The following SPIDR variants were observed in gnomAD, a reference collection of about 807,000 sequenced individuals.
The protein encoded by SPIDR is DNA repair-scaffolding protein.
A neutral mutation model predicts 104.6 loss-of-function variants in SPIDR; 93 were observed. The ratio of observed to expected loss-of-function variants is 0.89; its 90% confidence interval spans 0.75 to 1.06. The LOEUF (loss-of-function observed/expected upper bound fraction) is 1.06, where lower values mean the gene tolerates loss of function less well. SPIDR is among the 50% of genes least tolerant of loss of function. SPIDR has a pLI of 0.00. For synonymous variants in SPIDR, 431 were observed against 416.9 expected, an observed-to-expected ratio of 1.03 and a Z score of -0.41; for missense variants, 1,154 against 1,111.2, an observed-to-expected ratio of 1.04 and a Z score of -0.55.
intron 5 of SPIDR, among the ~76,000 whole-genome samples, chr8:47,369,903 C>T (rs1220833562): frequency 6.6e-6 from 1 of 151,648 alleles, no homozygotes; most frequent in Non-Finnish European, 1.5e-5. Context: ...CTTGGTTTGT[C>T]TGGATTTTTT....
At chr8:47,466,403 A>C (rs1409999545) in intron 8 of SPIDR, among the ~76,000 whole-genome samples, 2 of 152,360 alleles carry the variant, frequency 1.3e-5, no homozygotes. Flanking sequence ...GAAATTGAGT[A>C]ATCTGCTCCT....
At chr8:47,726,184 G>A (rs1403892186) in intron 16 of SPIDR, among the ~76,000 whole-genome samples, 1 of 152,210 alleles carries the variant, frequency 6.6e-6, no homozygotes, top group African/African-American at 2.4e-5. Context: ...ATTAGCTAGG[G>A]CAGCCTTTTC....
intron 8 of SPIDR, chr8:47,547,020 C>A (rs2089521349): frequency 6.0e-6 from 3 of 499,950 alleles, no homozygotes; most frequent in East Asian, 5.0e-5. Flanking sequence ...GACACCAGTT[C>A]TTCCCAAGTT....
At chr8:47,534,159 G>C (rs1180274475) in intron 8 of SPIDR, among the ~76,000 whole-genome samples, 2 of 152,226 alleles carry the variant, frequency 1.3e-5, no homozygotes, top group Admixed American at 6.5e-5. Context: ...CACCATGATT[G>C]TAAGTTTCCC....
intron 8 of SPIDR, among the ~76,000 whole-genome samples, chr8:47,519,547 G>A (rs994536848): frequency 4.6e-5 from 7 of 152,190 alleles, no homozygotes; most frequent in African/African-American, 1.7e-4. Context: ...GGAATCCAAA[G>A]TAAGGAGGGA....
intron 5 of SPIDR, among the ~76,000 whole-genome samples, chr8:47,328,027 T>C (rs1554601585): frequency 6.7e-6 from 1 of 150,346 alleles, no homozygotes; most frequent in East Asian, 2.0e-4. Context: ...TTTTTTTCAC[T>C]TTTTTGACAA....
At chr8:47,499,198 C>T (rs574564112) in intron 8 of SPIDR, among the ~76,000 whole-genome samples, 1 of 152,274 alleles carries the variant, frequency 6.6e-6, no homozygotes, top group Non-Finnish European at 1.5e-5. Context: ...ATGAAGAGTA[C>T]GTAACACATT....
chr8:47,367,666 A>C (rs192947257), intron 5 of SPIDR, among the ~76,000 whole-genome samples: 22 of 152,284 alleles, frequency 1.4e-4, no homozygotes. Context: ...CTTAGCCCAC[A>C]TTGCCACCCT....
At chr8:47,400,319 A>G (rs1393100307) in intron 6 of SPIDR, among the ~76,000 whole-genome samples, 8 of 152,146 alleles carry the variant, frequency 5.3e-5, no homozygotes, top group African/African-American at 1.9e-4. Flanking sequence ...GCAATTGATC[A>G]TTTTCTTCTT....
chr8:47,393,717 CCTTTCCTTTCCTTT>C, intron 5 of SPIDR, among the ~76,000 whole-genome samples: 1 of 131,644 alleles, frequency 7.6e-6, no homozygotes, highest in South Asian at 2.4e-4. Flanking sequence ...CCTTTCCTTT[CCTTTCCTTTCCTTT>C]CCTTCCTTTC....
intron 8 of SPIDR, among the ~76,000 whole-genome samples, chr8:47,585,008 TTTATTAGGTATTAGATACTA>T (rs2060118728): frequency 3.3e-5 from 5 of 152,170 alleles, no homozygotes; most frequent in Admixed American, 3.3e-4. Flanking sequence ...TATATGGAAA[TTTATTAGGTATTAGATACTA>T]AGAAAAAAAT....
chr8:47,732,297 T>A (rs1390190183), intron 19 of SPIDR: 4 of 675,216 alleles, frequency 5.9e-6, no homozygotes, highest in Non-Finnish European at 1.1e-5. Flanking sequence ...AGTGCACGTG[T>A]GTGCACATTT....
chr8:47,469,807 CA>C (rs1237917961), intron 8 of SPIDR, among the ~76,000 whole-genome samples: 1 of 152,118 alleles, frequency 6.6e-6, no homozygotes, highest in African/African-American at 2.4e-5. Flanking sequence ...ATCCGTACAA[CA>C]AATTTCTATT....
chr8:47,552,137 A>T (rs893183265), intron 8 of SPIDR, among the ~76,000 whole-genome samples: 1 of 152,162 alleles, frequency 6.6e-6, no homozygotes, highest in Non-Finnish European at 1.5e-5. Flanking sequence ...TCTGAGAGAC[A>T]GTTTGTTACA....
chr8:47,735,605 C>T lies in SPIDR; in HGVS notation c.*155C>T. On this transcript the variant is annotated 3_prime_UTR_variant, in exon 20 of 20. Coordinates refer to ENST00000297423, the MANE Select transcript of SPIDR (RefSeq NM_001080394.4). ...ATTTTTCTGGGGAAATGTTCAGATA[C>T]AGTTTTGTGAACTGTAAATCAAAAT... 1 of 1,434,776 alleles carries T rather than the reference C, an allele frequency of 7.0e-7. No homozygotes were observed. The highest frequency in any genetic ancestry group is 1.3e-5 in the South Asian group (1 of 74,868). The allele number at this position is 1,434,776 out of a possible 1,614,324, so 88.9% of individuals were successfully genotyped here.
At chr8:47,569,437 A>T (rs2058269269) in intron 8 of SPIDR, among the ~76,000 whole-genome samples, 2 of 152,238 alleles carry the variant, frequency 1.3e-5, no homozygotes, top group African/African-American at 2.4e-5. Context: ...CGTGCAGAAT[A>T]TTCCCACCTA....
At chr8:47,342,691 CTCCTT>C (rs1236126605) in intron 5 of SPIDR, among the ~76,000 whole-genome samples, 2 of 152,034 alleles carry the variant, frequency 1.3e-5, no homozygotes, top group African/African-American at 4.8e-5. Context: ...ACATTGTACA[CTCCTT>C]TCTTATTATT....
At chr8:47,354,717 C>A (rs2054193020) in intron 5 of SPIDR, among the ~76,000 whole-genome samples, 1 of 152,112 alleles carries the variant, frequency 6.6e-6, no homozygotes, top group Non-Finnish European at 1.5e-5. Flanking sequence ...TCATAGCACA[C>A]TGCAGTCTTG....
chr8:47,387,803 T>C (rs1430521872), intron 5 of SPIDR, among the ~76,000 whole-genome samples: 1 of 152,190 alleles, frequency 6.6e-6, no homozygotes, highest in African/African-American at 2.4e-5. Context: ...TCCACAACAG[T>C]CTTCTCAACG....
Sources: gnomAD v4.1 joint callset for allele counts (sites outside exome capture counted in the v4.1 genomes callset) on GRCh38, gnomAD v4.1.1 for gene constraint, MANE v1.5 for transcripts, NCBI Gene and HGNC (gene_info 2026-07-23, HGNC 2026-07-21) for gene names.